The following COX17 variants were observed in gnomAD, a reference collection of about 807,000 sequenced individuals.
COX17 encodes cytochrome c oxidase copper chaperone.
In COX17, 1 loss-of-function variant was observed where a neutral mutation model predicts 6.3. The observed-to-expected ratio is 0.16, with a 90% CI of 0.06 to 0.75. COX17 has a LOEUF of 0.75. COX17 is among the 30% of genes least tolerant of loss of function. The probability of loss-of-function intolerance (pLI) is 0.77; values close to 1 mark genes in which losing one functional copy is unlikely to be tolerated. For missense variants in COX17, 73 were observed against 81.2 expected, an observed-to-expected ratio of 0.90 and a Z score of 0.39; for synonymous variants, 26 against 30.5, an observed-to-expected ratio of 0.85 and a Z score of 0.49.
chr3:119,676,884 T>C (rs771469640), intron 1 of COX17: 7 of 702,546 alleles, frequency 1.0e-5, no homozygotes, highest in South Asian at 4.4e-5. Context: ...GAATGAGTGG[T>C]TGAAGCTTGC....
At chr3:119,664,549 A>C (rs918717183), downstream of COX17, among the ~76,000 whole-genome samples, 3 of 152,202 alleles carry the variant, frequency 2.0e-5, no homozygotes, top group African/African-American at 7.2e-5. Flanking sequence ...TTGTAGGTGA[A>C]TCAAAAGGAG....
At chr3:119,667,696 C>T (rs1366852924), downstream of COX17, among the ~76,000 whole-genome samples, 1 of 53,134 alleles carries the variant, frequency 1.9e-5, no homozygotes, top group African/African-American at 3.7e-5. Flanking sequence ...TGTACACACA[C>T]ACACACACAC....
At chr3:119,668,889 C>A (rs913741325), downstream of COX17, among the ~76,000 whole-genome samples, 1 of 152,058 alleles carries the variant, frequency 6.6e-6, no homozygotes, top group East Asian at 1.9e-4. Flanking sequence ...CTAAGGAAAT[C>A]ACACTCTGTT....
In COX17 at chr3:119,677,071, A is replaced by AAGAGGGCAGAGGGCAGAAGGC. The variant is rs372993809; in HGVS notation, c.107+112_107+132dup. 7.0e-5 allele frequency: 48 copies of AAGAGGGCAGAGGGCAGAAGGC among 689,460 alleles called. 1 individual carries two copies. Among genetic ancestry groups the AAGAGGGCAGAGGGCAGAAGGC allele is most frequent in the Admixed American group, 3.7e-4 (17 of 46,296 alleles). The allele number at this position is 689,460 out of a possible 1,614,324, so 42.7% of individuals were successfully genotyped here. ...GGAGGAGTGGGGGAAGGGGGGAAGG[A>AAGAGGGCAGAGGGCAGAAGGC]AGAGGGCAGAGGGCAGAAGGCAGAG... On this transcript the variant is annotated intron_variant, in intron 1 of 2. Transcript: ENST00000261070.
downstream of COX17, among the ~76,000 whole-genome samples, chr3:119,668,835 T>C (rs2053016737): frequency 6.6e-6 from 1 of 152,052 alleles, no homozygotes; most frequent in Non-Finnish European, 1.5e-5. Flanking sequence ...ATGATCATAC[T>C]TCATTAGCCC....
At chr3:119,668,045 A>G (rs1455977566), downstream of COX17, among the ~76,000 whole-genome samples, 2 of 152,234 alleles carry the variant, frequency 1.3e-5, no homozygotes, top group Non-Finnish European at 2.9e-5. Flanking sequence ...CATAGTCAAT[A>G]CAAATGACAC....
At chr3:119,670,739 T>C (rs1001404745) in intron 2 of COX17, among the ~76,000 whole-genome samples, 12 of 138,100 alleles carry the variant, frequency 8.7e-5, no homozygotes, top group Non-Finnish European at 1.6e-4. Context: ...GATATTTTCA[T>C]ACATGATCAG....
At chr3:119,666,995 G>T (rs763940500), downstream of COX17, 6 of 152,028 alleles carry the variant, frequency 3.9e-5, no homozygotes, top group Admixed American at 6.6e-5. Flanking sequence ...GTAAAATAAG[G>T]ACCATGGTTT....
intron 3 of COX17, among the ~76,000 whole-genome samples, chr3:119,664,195 G>A (rs1560101630): frequency 1.3e-5 from 2 of 152,058 alleles, no homozygotes; most frequent in Non-Finnish European, 2.9e-5. Context: ...CAATCCATAG[G>A]GACTTTTACT....
downstream of COX17, chr3:119,667,129 C>T (rs921281063): frequency 6.6e-6 from 1 of 152,002 alleles, no homozygotes; most frequent in African/African-American, 2.4e-5. Context: ...GTTAGACAAA[C>T]GGGGGACTAG....
chr3:119,671,675 T>C (rs2053045247), intron 2 of COX17, among the ~76,000 whole-genome samples: 1 of 152,214 alleles, frequency 6.6e-6, no homozygotes, highest in African/African-American at 2.4e-5. Context: ...GTTTTAAGAT[T>C]GAAGATCAAG....
At chr3:119,666,529 A>C, downstream of COX17, among the ~76,000 whole-genome samples, 1 of 152,228 alleles carries the variant, frequency 6.6e-6, no homozygotes, top group Non-Finnish European at 1.5e-5. Flanking sequence ...TTAATACCTA[A>C]AGAAATAAAC....
intron 1 of COX17, among the ~76,000 whole-genome samples, chr3:119,676,297 TATTA>T (rs982380257): frequency 4.6e-5 from 7 of 152,226 alleles, no homozygotes; most frequent in Non-Finnish European, 1.0e-4. Context: ...ATCCTACCCG[TATTA>T]TTTACAAAGT....
chr3:119,667,726 CA>C (rs2053006535), downstream of COX17, among the ~76,000 whole-genome samples: 1 of 108,304 alleles, frequency 9.2e-6, no homozygotes, highest in Non-Finnish European at 2.0e-5. Context: ...CACACACACA[CA>C]CAGAGAGAGA....
intron 1 of COX17, chr3:119,676,804 C>T (rs1464895944): frequency 1.1e-5 from 8 of 701,760 alleles, no homozygotes; most frequent in Non-Finnish European, 2.1e-5. Context: ...CATCTTTATC[C>T]ATGTCTACAT....
chr3:119,667,716 CACACACACACACAGAG>C (rs1189527283), downstream of COX17, among the ~76,000 whole-genome samples: 134 of 115,778 alleles, frequency 1.2e-3, no homozygotes, highest in East Asian at 0.014. Context: ...CACACACACA[CACACACACACACAGAG>C]AGAGAGAGAC....
intron 2 of COX17, among the ~76,000 whole-genome samples, chr3:119,672,859 T>C (rs2053058794): frequency 6.6e-6 from 1 of 152,178 alleles, no homozygotes; most frequent in Non-Finnish European, 1.5e-5. Flanking sequence ...AAACTAAACA[T>C]CAGGAGAATA....
At position 119,677,364 on chromosome 3, in the gene COX17, G is replaced by A; in HGVS notation, c.-54C>T. ...AGACAGCCAAATCTATGCCAGCCTCGGCAAACGCCGATTCGTCCGCAGTCA... is the reference window on the plus strand; with the variant it reads ...AGACAGCCAAATCTATGCCAGCCTCAGCAAACGCCGATTCGTCCGCAGTCA... On this transcript the variant is annotated 5_prime_UTR_variant, in exon 1 of 3. Transcript: ENST00000261070. 7.0e-7 allele frequency: 1 copy of A among 1,434,078 alleles called. No individual in the cohort carries two copies. The highest frequency in any genetic ancestry group is 9.7e-7 in the Non-Finnish European group (1 of 1,029,386). The allele number at this position is 1,434,078 out of a possible 1,614,324, so 88.8% of individuals were successfully genotyped here. A position where few individuals can be genotyped will look rare whatever the true frequency, so the allele number is the denominator to read the frequency against.
intron 2 of COX17, among the ~76,000 whole-genome samples, chr3:119,670,881 AACG>A (rs2053036665): frequency 6.6e-6 from 1 of 151,940 alleles, no homozygotes; most frequent in Admixed American, 6.6e-5. Flanking sequence ...AATTTCTTTC[AACG>A]ACTTTAGTCT....
Sources: gnomAD v4.1 joint callset for allele counts (sites outside exome capture counted in the v4.1 genomes callset) on GRCh38, gnomAD v4.1.1 for gene constraint, MANE v1.5 for transcripts, NCBI Gene and HGNC (gene_info 2026-07-23, HGNC 2026-07-21) for gene names.